TMPRSS12: variants seen among roughly 807,000 people sequenced by gnomAD.
The protein encoded by TMPRSS12 is transmembrane protease serine 12.
Under a neutral mutation model 26.0 loss-of-function variants are expected in TMPRSS12, and 25 were observed. The ratio of observed to expected loss-of-function variants is 0.96; its 90% CI spans 0.70 to 1.34. The LOEUF (loss-of-function observed/expected upper bound fraction) is 1.34. Among genes scored for constraint, TMPRSS12 ranks in the 40% most tolerant of loss-of-function variants. TMPRSS12 has a pLI of 0.00. For synonymous variants in TMPRSS12, 150 were observed against 161.7 expected (o/e 0.93, Z 0.55); for missense variants, 441 against 440.1 (o/e 1.00, Z -0.02).
At chr12:50,856,860 AT>A (rs11313096) in intron 2 of TMPRSS12, among the ~76,000 whole-genome samples, 146,629 of 151,128 alleles carry the variant, frequency 0.97, 71,301 homozygotes, top group East Asian at 1. Flanking sequence ...TAATTTTTGT[AT>A]TTTTTTTTTA....
chr12:50,844,826 T>A (rs992629801), intron 2 of TMPRSS12, among the ~76,000 whole-genome samples: 8 of 152,218 alleles, frequency 5.3e-5, no homozygotes, highest in Non-Finnish European at 7.3e-5. Context: ...AATAAAACTT[T>A]ATGAACACTG....
At chr12:50,850,463 C>A (rs1180968260) in intron 2 of TMPRSS12, among the ~76,000 whole-genome samples, 1 of 152,066 alleles carries the variant, frequency 6.6e-6, no homozygotes, top group Non-Finnish European at 1.5e-5. Context: ...GCCTGTGGTC[C>A]CAGCTACTAA....
intron 2 of TMPRSS12, among the ~76,000 whole-genome samples, chr12:50,846,102 G>A (rs1167566686): frequency 6.6e-6 from 1 of 151,978 alleles, no homozygotes; most frequent in Non-Finnish European, 1.5e-5. Flanking sequence ...TTTCACTCTC[G>A]ATATTGTCCT....
intron 3 of TMPRSS12, among the ~76,000 whole-genome samples, chr12:50,865,433 A>G (rs995873509): frequency 6.6e-6 from 1 of 152,240 alleles, no homozygotes. Flanking sequence ...GGAACTTCCT[A>G]GACTGTAGCA....
At chr12:50,856,778 T>C (rs1205413927) in intron 2 of TMPRSS12, among the ~76,000 whole-genome samples, 2 of 152,154 alleles carry the variant, frequency 1.3e-5, no homozygotes, top group Non-Finnish European at 2.9e-5. Context: ...CTTAACCTCC[T>C]GGGCTCAAGC....
intron 3 of TMPRSS12, among the ~76,000 whole-genome samples, chr12:50,882,779 C>A (rs1938188729): frequency 3.0e-5 from 1 of 33,152 alleles, no homozygotes; most frequent in South Asian, 1.2e-3. Flanking sequence ...CAGTAGATTT[C>A]TTTTTCAAAA....
intron 3 of TMPRSS12, among the ~76,000 whole-genome samples, chr12:50,860,199 C>T (rs1937921519): frequency 6.6e-6 from 1 of 152,164 alleles, no homozygotes; most frequent in Non-Finnish European, 1.5e-5. Flanking sequence ...TATGAAGAAT[C>T]ATATTTAGTT....
chr12:50,865,238 C>T (rs546369183), intron 3 of TMPRSS12, among the ~76,000 whole-genome samples: 1 of 152,048 alleles, frequency 6.6e-6, no homozygotes, highest in African/African-American at 2.4e-5. Flanking sequence ...GAGGCTGAGG[C>T]AGGAGAATCA....
chr12:50,849,681 A>AAAT (rs1937806442), intron 2 of TMPRSS12, among the ~76,000 whole-genome samples: 1 of 152,162 alleles, frequency 6.6e-6, no homozygotes, highest in African/African-American at 2.4e-5. Context: ...AATGCATTTG[A>AAAT]AATTCATCCA....
chr12:50,885,712 G>A (rs939555687), intron 4 of TMPRSS12: 4 of 555,222 alleles, frequency 7.2e-6, no homozygotes, highest in Non-Finnish European at 1.3e-5. Flanking sequence ...CTGGAGTGCA[G>A]TGACACAATC....
chr12:50,882,208 G>T lies in TMPRSS12; in HGVS notation c.653-3038G>T, dbSNP rs200658369. Among the ~76,000 whole-genome samples, 28 of 142,212 alleles carry T rather than the reference G, an allele frequency of 2.0e-4. No individual in the cohort carries two copies. The East Asian group carries it at 5.1e-3, about 26-fold the overall frequency. 93.3% of individuals were successfully genotyped at this position (142,212 alleles called of 152,430 possible). A position where few individuals can be genotyped will look rare whatever the true frequency, so the allele number is the denominator to read the frequency against. Reference sequence around the variant, plus strand: ...TTCACACCTGTAATCCCAACACTTTGGGAGGCCAATGTGGGAGAATTGCTT... The same window carrying T: ...TTCACACCTGTAATCCCAACACTTTTGGAGGCCAATGTGGGAGAATTGCTT... On this transcript the variant is annotated intron_variant, in intron 3 of 4. Coordinates refer to ENST00000398458, the MANE Select transcript of TMPRSS12 (RefSeq NM_182559.3).
At chr12:50,845,608 A>T (rs550140633) in intron 2 of TMPRSS12, among the ~76,000 whole-genome samples, 1 of 152,274 alleles carries the variant, frequency 6.6e-6, no homozygotes, top group African/African-American at 2.4e-5. Flanking sequence ...TAGCATCATC[A>T]ACAGCTCCAT....
intron 3 of TMPRSS12, among the ~76,000 whole-genome samples, chr12:50,873,930 G>A (rs1938090237): frequency 6.6e-6 from 1 of 152,086 alleles, no homozygotes; most frequent in Admixed American, 6.5e-5. Context: ...TTCAGGAGAA[G>A]TATTTAAATA....
At chr12:50,847,532 G>A (rs1385459942) in intron 2 of TMPRSS12, among the ~76,000 whole-genome samples, 1 of 151,948 alleles carries the variant, frequency 6.6e-6, no homozygotes, top group African/African-American at 2.4e-5. Context: ...AGGCTGGAGT[G>A]CTACAAGAAG....
chr12:50,885,541 T>C, intron 4 of TMPRSS12, 153 bp downstream of exon 4: 2 of 932,116 alleles, frequency 2.1e-6, no homozygotes, highest in Non-Finnish European at 3.4e-6. Context: ...ACAATCCAAA[T>C]CTTCTTGGTT....
intron 3 of TMPRSS12, among the ~76,000 whole-genome samples, chr12:50,878,202 A>G (rs1938130417): frequency 7.4e-6 from 1 of 136,054 alleles, no homozygotes; most frequent in African/African-American, 3.4e-5. Context: ...ATTTTGGGGA[A>G]AAAAAAAAAA....
At chr12:50,885,560 C>T (rs1938218224) in intron 4 of TMPRSS12, 172 bp downstream of exon 4, 1 of 814,382 alleles carries the variant, frequency 1.2e-6, no homozygotes, top group Non-Finnish European at 2.0e-6. Flanking sequence ...TTCCTGATTC[C>T]ATGGTTTCTG....
At chr12:50,849,364 T>C (rs1218301932) in intron 2 of TMPRSS12, among the ~76,000 whole-genome samples, 3 of 152,242 alleles carry the variant, frequency 2.0e-5, no homozygotes, top group Admixed American at 1.3e-4. Context: ...TTCTCACTTA[T>C]GCACTTATTT....
intron 3 of TMPRSS12, among the ~76,000 whole-genome samples, chr12:50,877,125 A>G (rs1292590423): frequency 1.3e-5 from 2 of 152,190 alleles, no homozygotes; most frequent in Non-Finnish European, 2.9e-5. Flanking sequence ...TATGGGTTCA[A>G]TTATACCCTG....
Sources: gnomAD v4.1 joint callset for allele counts (sites outside exome capture counted in the v4.1 genomes callset) on GRCh38, gnomAD v4.1.1 for gene constraint, MANE v1.5 for transcripts, NCBI Gene and HGNC (gene_info 2026-07-23, HGNC 2026-07-21) for gene names.